Variants in MORN1 observed in about 807,000 individuals in gnomAD.
The protein encoded by MORN1 is MORN repeat containing 1, also known as MORN repeat-containing protein 1.
MORN1 carries 67 observed loss-of-function variants against 61.9 expected under a neutral mutation model. The ratio of observed to expected loss-of-function variants is 1.08; its 90% CI spans 0.89 to 1.33. The LOEUF (loss-of-function observed/expected upper bound fraction) is 1.33. MORN1 is among the 40% of genes most tolerant of loss of function. MORN1 has a pLI of 0.00. For missense variants in MORN1, 752 were observed against 691.2 expected (o/e 1.09, Z -0.99); for synonymous variants, 301 against 292.0 (o/e 1.03, Z -0.31).
chr1:2,324,636 C>G (rs1464042423), intron 12 of MORN1, among the ~76,000 whole-genome samples: 1 of 152,166 alleles, frequency 6.6e-6, no homozygotes, highest in Non-Finnish European at 1.5e-5. Context: ...CCCAGTGTCA[C>G]CTGGGAGTGC....
chr1:2,363,811 A>AAAAAAATAT (rs1199100386), intron 8 of MORN1, among the ~76,000 whole-genome samples: 1 of 135,098 alleles, frequency 7.4e-6, no homozygotes, highest in African/African-American at 3.0e-5. Flanking sequence ...CAAACAAAAA[A>AAAAAAATAT]ATATATATAT....
At chr1:2,321,612 G>A (rs890659923) in intron 13 of MORN1, 33 bp from the exon 14 acceptor site, 1 of 1,440,922 alleles carries the variant, frequency 6.9e-7, no homozygotes, top group Non-Finnish European at 9.1e-7. Flanking sequence ...TCCTCAGCAG[G>A]CTCCTGTCCC....
chr1:2,345,855 AGAT>A (rs1427493608), intron 10 of MORN1, among the ~76,000 whole-genome samples: 2 of 98,714 alleles, frequency 2.0e-5, no homozygotes, highest in African/African-American at 6.4e-5. Flanking sequence ...ACACACACAC[AGAT>A]GTTTGCTCTT....
rs531381274 is a variant in MORN1 at position 2,369,016 on chromosome 1, C to T, written c.745+3465G>A. Among the ~76,000 whole-genome samples, 334 of 150,630 alleles carry T rather than the reference C, an allele frequency of 2.2e-3. 1 individual carries two copies. Among genetic ancestry groups the T allele is most frequent in the Non-Finnish European group, 3.9e-3 (262 of 67,794 alleles). Reference sequence around the variant, plus strand: ...AGGTTGCAGTGAGCTGAGATTGCACCACTGCACTCCAGCCTGGACAATAAA... The same window carrying T: ...AGGTTGCAGTGAGCTGAGATTGCACTACTGCACTCCAGCCTGGACAATAAA... On this transcript the variant is annotated intron_variant, in intron 8 of 13. Transcript: ENST00000378531.
Position 2,357,688 on chromosome 1 carries a change from G to A in MORN1, c.870-90C>T, listed in dbSNP as rs1641805975. On this transcript the variant is annotated intron_variant, in intron 9 of 13. Coordinates refer to ENST00000378531, the MANE Select transcript of MORN1 (RefSeq NM_024848.3). This position sits in a 1 kb window ranked among gnomAD's most constrained non-coding sequence, Gnocchi z 6.3. ...GCGTGGCCCACGCCCTGGACCCTGG[G>A]ACTTGCCTACACTGAGTCCAGGGAG... The A allele has an allele frequency of 2.8e-6, 4 of 1,445,342 alleles. No individual in the cohort carries two copies. The African/African-American group carries it at 4.3e-5, about 16-fold the overall frequency. 89.5% of individuals were successfully genotyped at this position (1,445,342 alleles called of 1,614,324 possible). A position where few individuals can be genotyped will look rare whatever the true frequency, so the allele number is the denominator to read the frequency against.
chr1:2,340,023 T>A (rs1010740040), intron 10 of MORN1, among the ~76,000 whole-genome samples: 24 of 152,364 alleles, frequency 1.6e-4, no homozygotes, highest in African/African-American at 5.8e-4. Context: ...TTTCCAAGGC[T>A]GCGCCTGGGC....
intron 12 of MORN1, among the ~76,000 whole-genome samples, chr1:2,325,168 C>T (rs1218888421): frequency 9.2e-6 from 1 of 108,208 alleles, no homozygotes; most frequent in African/African-American, 3.4e-5. Flanking sequence ...TCCCTTCCTT[C>T]CTTTCCTTCC....
At chr1:2,345,757 C>T (rs1422381536) in intron 10 of MORN1, among the ~76,000 whole-genome samples, 4 of 152,168 alleles carry the variant, frequency 2.6e-5, no homozygotes, top group African/African-American at 4.8e-5. Flanking sequence ...GCCAAGCTCA[C>T]GCCAGCAGAG....
At chr1:2,341,053 G>C (rs955319296) in intron 10 of MORN1, among the ~76,000 whole-genome samples, 5 of 152,218 alleles carry the variant, frequency 3.3e-5, no homozygotes, top group South Asian at 2.1e-4. Flanking sequence ...ACTGCTACTC[G>C]TCTGGTGCAG....
At position 2,357,267 on chromosome 1, in the gene MORN1, A is replaced by T. The variant is rs1277794802; in HGVS notation, c.1036+165T>A. Among the ~76,000 whole-genome samples the T allele has an allele frequency of 6.6e-6, 1 of 152,066 alleles. No individual in the cohort carries two copies. Among genetic ancestry groups the T allele is most frequent in the Non-Finnish European group, 1.5e-5 (1 of 68,002 alleles). On this transcript the variant is annotated intron_variant, in intron 10 of 13. Transcript: ENST00000378531. This position sits in a 1 kb window ranked among gnomAD's most constrained non-coding sequence, Gnocchi z 6.3. Reference sequence around the variant, plus strand: ...GCCACCCGTGACTGCTTGTCTGGGGATGTGGGCTGCCCGGCCCTGCCTCCT... The same window carrying T: ...GCCACCCGTGACTGCTTGTCTGGGGTTGTGGGCTGCCCGGCCCTGCCTCCT...
chr1:2,379,773 A>G (rs1409498677), intron 6 of MORN1, among the ~76,000 whole-genome samples: 1 of 152,206 alleles, frequency 6.6e-6, no homozygotes, highest in Non-Finnish European at 1.5e-5. Context: ...GAGGAACTGG[A>G]ACTGTGTGCA....
intron 10 of MORN1, chr1:2,355,048 TC>T: frequency 1.9e-6 from 1 of 538,082 alleles, no homozygotes; most frequent in South Asian, 7.9e-5. Flanking sequence ...CCAGGTAGGA[TC>T]CGCCCCAGAC....
At chr1:2,330,253 C>T (rs1415791681) in intron 12 of MORN1, among the ~76,000 whole-genome samples, 1 of 152,244 alleles carries the variant, frequency 6.6e-6, no homozygotes, top group Non-Finnish European at 1.5e-5. Flanking sequence ...AGTCCTGTCC[C>T]TGTTCAGACC....
intron 12 of MORN1, among the ~76,000 whole-genome samples, chr1:2,325,116 TCCTTC>T (rs1557865155): frequency 8.1e-5 from 5 of 61,740 alleles, no homozygotes; most frequent in African/African-American, 1.2e-4. Context: ...TTCCTTCCCT[TCCTTC>T]CCTTCCTTCC....
At chr1:2,355,271 C>T (rs577374336) in intron 10 of MORN1, 26 of 1,430,024 alleles carry the variant, frequency 1.8e-5, no homozygotes, top group Middle Eastern at 2.6e-4. Context: ...CAAGGGGGCG[C>T]GGGCCGGGCC....
chr1:2,364,248 C>T (rs1641954943), intron 8 of MORN1, among the ~76,000 whole-genome samples: 1 of 152,126 alleles, frequency 6.6e-6, no homozygotes, highest in African/African-American at 2.4e-5. Context: ...GATTAAACTA[C>T]ATAAAAATCC....
chr1:2,365,605 G>C (rs973765911), intron 8 of MORN1, among the ~76,000 whole-genome samples: 1 of 150,224 alleles, frequency 6.7e-6, no homozygotes, highest in African/African-American at 2.4e-5. Context: ...TTGAATAGGA[G>C]TGGTGAGAGA....
chr1:2,331,903 GTGCGCCTCTCCCGCCCC>G (rs1273510710), intron 12 of MORN1, among the ~76,000 whole-genome samples: 32 of 84,560 alleles, frequency 3.8e-4, no homozygotes, highest in Non-Finnish European at 6.4e-4. Flanking sequence ...CCTCTCCCTC[GTGCGCCTCTCCCGCCCC>G]TGCGCCTCTC....
At chr1:2,388,475 C>T in intron 2 of MORN1, 138 bp from the exon 3 acceptor site, 4 of 625,484 alleles carry the variant, frequency 6.4e-6, no homozygotes, top group Non-Finnish European at 1.1e-5. Flanking sequence ...TCATGCTATA[C>T]ATGTATTTAA....
Sources: gnomAD v4.1 joint callset for allele counts (sites outside exome capture counted in the v4.1 genomes callset) on GRCh38, gnomAD v4.1.1 for gene constraint, Gnocchi (gnomAD v3.1) non-coding constraint, MANE v1.5 for transcripts, NCBI Gene and HGNC (gene_info 2026-07-23, HGNC 2026-07-21) for gene names.